Variants in CNGA4 observed in about 807,000 individuals in gnomAD.
The protein encoded by CNGA4 is cyclic nucleotide gated channel subunit alpha 4.
Under a neutral mutation model 45.6 loss-of-function variants are expected in CNGA4, and 32 were observed. The observed-to-expected ratio is 0.70, with a 90% CI of 0.53 to 0.94. The LOEUF (loss-of-function observed/expected upper bound fraction) is 0.94, where lower values mean the gene tolerates loss of function less well. Among genes scored for constraint, CNGA4 ranks in the 40% least tolerant of loss-of-function variants. The probability of loss-of-function intolerance (pLI) is 0.00; values close to 1 mark genes in which losing one functional copy is unlikely to be tolerated. For missense variants in CNGA4, 726 were observed against 755.1 expected (o/e 0.96, Z 0.45); for synonymous variants, 293 against 304.6 (o/e 0.96, Z 0.40).
In CNGA4 at chr11:6,244,000, C is replaced by T; in HGVS notation, c.1319C>T (p.Ser440Leu). 5 of 1,614,118 alleles carry T rather than the reference C, an allele frequency of 3.1e-6. No individual in the cohort carries two copies. The highest frequency in any genetic ancestry group is 4.5e-5 in the East Asian group (2 of 44,880). Residue 440 changes from serine (S) to leucine (L), a missense_variant, in exon 6 of 6, where the codon TCA becomes TTA. Ser to Leu is a moderately radical substitution (Grantham distance 145). Transcript: ENST00000379936. ...GCCAACATCAAGAGCCTAGGTTATT[C>T]AGACCTATTCTGCCTGAGCAAGGAG... ...RTANIKSLGY[S>L]DLFCLSKEDL...
Position 6,241,519 on chromosome 11 carries a change from G to A in CNGA4, c.1006G>A (p.Val336Met), listed in dbSNP as rs534026908. The change falls in exon 5 of 6, where the codon GTG (valine) becomes ATG (methionine). Residue 336 changes from valine (V) to methionine (M), a missense_variant. By Grantham distance (21) the Val-to-Met change is conservative. Transcript: ENST00000379936. ...LPERLRAEVA[V>M]SVHLSTLSRV... ...TGAGCGGCTGCGGGCAGAAGTGGCT[G>A]TGTCTGTGCACCTGTCCACTCTGAG... The A allele has an allele frequency of 5.6e-6, 9 of 1,614,054 alleles. No individual in the cohort carries two copies. The highest frequency in any genetic ancestry group is 2.2e-5 in the East Asian group (1 of 44,882).
Position 6,244,274 on chromosome 11 carries a change from G to A in CNGA4, c.1593G>A (p.Arg531=), listed in dbSNP as rs61742380. 5,662 of 1,614,130 alleles carry A rather than the reference G, an allele frequency of 3.5e-3. 186 individuals carry two copies. The African/African-American group carries it at 0.067, about 19-fold the overall frequency. Residue 531 remains arginine, a synonymous_variant, in exon 6 of 6, where the codon CGG becomes CGA. Coordinates refer to ENST00000379936, the MANE Select transcript of CNGA4 (RefSeq NM_001037329.4). This position sits in a 1 kb window ranked among gnomAD's most constrained non-coding sequence, Gnocchi z 4.5. The part of the protein sequence containing the change: ...SALKIAYRIE[R]LEWQTREWPM... Reference sequence around the variant, plus strand: ...TTAAGATTGCTTACCGCATTGAACGGCTGGAGTGGCAGACTCGAGAGTGGC... The same window carrying A: ...TTAAGATTGCTTACCGCATTGAACGACTGGAGTGGCAGACTCGAGAGTGGC...
chr11:6,238,132 T>C (rs1368878236), upstream of CNGA4, among the ~76,000 whole-genome samples: 1 of 152,244 alleles, frequency 6.6e-6, no homozygotes, highest in East Asian at 1.9e-4. Flanking sequence ...ACTTCATGTG[T>C]ACTATAATAG....
chr11:6,243,626 C>T (rs1847948049), intron 5 of CNGA4, among the ~76,000 whole-genome samples: 1 of 152,166 alleles, frequency 6.6e-6, no homozygotes, highest in Middle Eastern at 3.2e-3. Context: ...CCCTAAATTC[C>T]CTGCCTTACG....
chr11:6,242,459 G>A (rs979470091), intron 5 of CNGA4, among the ~76,000 whole-genome samples: 5 of 152,048 alleles, frequency 3.3e-5, no homozygotes, highest in African/African-American at 7.3e-5. Flanking sequence ...GCATGAGGTC[G>A]TGCAAGCAGG....
In CNGA4 at chr11:6,239,928, C is replaced by G. The variant is rs181952007; in HGVS notation, c.271+138C>G. 3.0e-3 allele frequency: 4,014 copies of G among 1,359,304 alleles called. 13 individuals are homozygous for G. Among genetic ancestry groups the G allele is most frequent in the Non-Finnish European group, 3.4e-3 (3,405 of 988,636 alleles). The allele number at this position is 1,359,304 out of a possible 1,614,324, so 84.2% of individuals were successfully genotyped here. A position where few individuals can be genotyped will look rare whatever the true frequency, so the allele number is the denominator to read the frequency against. On this transcript the variant is annotated intron_variant, in intron 3 of 5. Transcript: ENST00000379936. The stretch of plus-strand genomic sequence containing the variant: ...ATGCCTGACAGCATCCCAGTGCTCA[C>G]CCCGGAAAGCCGGGAGCAGAGTTAT...
upstream of CNGA4, chr11:6,234,848 C>T (rs186154323): frequency 6.5e-6 from 1 of 152,912 alleles, no homozygotes; most frequent in African/African-American, 2.4e-5. Context: ...CCTCTTGGTT[C>T]CGTCCCTTCG....
upstream of CNGA4, among the ~76,000 whole-genome samples, chr11:6,236,615 AT>A (rs1257618377): frequency 6.6e-6 from 1 of 152,222 alleles, no homozygotes; most frequent in African/African-American, 2.4e-5. Flanking sequence ...TTGGAAAAAC[AT>A]TGACTGAAAG....
rs573543816 is a variant in CNGA4, at chr11:6,242,376, T to C, written c.1267+596T>C. 3.9e-5 allele frequency among the ~76,000 whole-genome samples: 6 copies of C among 152,274 alleles called. No homozygotes were observed. The East Asian group carries it at 7.7e-4, about 20-fold the overall frequency. On this transcript the variant is annotated intron_variant, in intron 5 of 5. Transcript: ENST00000379936. ...ATCACCTCTAGGCCAAGCCAGGTACTACCTACTGGCTTGCTTTTTCCTCTC... is the reference window on the plus strand; with the variant it reads ...ATCACCTCTAGGCCAAGCCAGGTACCACCTACTGGCTTGCTTTTTCCTCTC...
chr11:6,237,497 G>A (rs567264436), upstream of CNGA4, among the ~76,000 whole-genome samples: 6 of 151,592 alleles, frequency 4.0e-5, no homozygotes, highest in East Asian at 1.9e-4. Flanking sequence ...GGTGACTGAC[G>A]TCAATCAGAC....
chr11:6,241,353 T>C, intron 4 of CNGA4, 78 bp from the exon 5 acceptor site: 1 of 1,172,920 alleles, frequency 8.5e-7, no homozygotes, highest in Non-Finnish European at 1.2e-6. Flanking sequence ...TGGCTGGAGC[T>C]GAGCTGAGCC....
chr11:6,239,485 G>C lies in CNGA4; in HGVS notation c.164G>C (p.Arg55Thr). 6.2e-7 allele frequency: 1 copy of C among 1,614,128 alleles called. No homozygotes were observed. The highest frequency in any genetic ancestry group is 8.5e-7 in the Non-Finnish European group (1 of 1,179,966). ...VMYNLIILVC[R>T]ACFPDLQHGY... Reference sequence around the variant, plus strand: ...TATAACCTCATCATCCTCGTGTGCAGGTATGGCAGCGGTGCTAAGGGAGGG... The same window carrying C: ...TATAACCTCATCATCCTCGTGTGCACGTATGGCAGCGGTGCTAAGGGAGGG... Residue 55 changes from arginine (R) to threonine (T), a missense_variant and splice_region_variant, in exon 2 of 6, where the codon AGA (arginine) becomes ACA (threonine). Arg to Thr is a moderately conservative substitution (Grantham distance 71). Transcript: ENST00000379936.
chr11:6,241,982 G>A (rs1847926281), intron 5 of CNGA4: 1 of 596,966 alleles, frequency 1.7e-6, no homozygotes, highest in African/African-American at 1.9e-5. Flanking sequence ...GCCAAGGCCA[G>A]TGAACAGGGT....
intron 2 of CNGA4, 95 bp downstream of exon 2, chr11:6,239,580 C>T (rs2133873883): frequency 6.5e-7 from 1 of 1,548,790 alleles, no homozygotes; most frequent in Non-Finnish European, 8.9e-7. Flanking sequence ...GCAGGAGGAG[C>T]AATTCCCATG....
At chr11:6,238,624 G>A (rs985108968), upstream of CNGA4, among the ~76,000 whole-genome samples, 1 of 152,174 alleles carries the variant, frequency 6.6e-6, no homozygotes, top group Non-Finnish European at 1.5e-5. Context: ...GGGGGAAGGC[G>A]TATGTGGAGG....
Position 6,240,193 on chromosome 11 carries a change from C to T in CNGA4, c.399C>T (p.Gly133=). ...CAGATGTGGTCTACGTGCGGCTGGG[C>T]CCGCACACACCCACCCTGAGGCTGA... ...MPTDVVYVRL[G]PHTPTLRLNR... is the part of the protein sequence containing the mutation. Residue 133 remains glycine, a synonymous_variant, in exon 4 of 6, where the codon GGC becomes GGT. Coordinates refer to ENST00000379936, the MANE Select transcript of CNGA4 (RefSeq NM_001037329.4). The surrounding 1 kb of genome is among the most constrained non-coding windows in gnomAD (Gnocchi z 4.9). 2 of 1,614,196 alleles carry T rather than the reference C, an allele frequency of 1.2e-6. No individual in the cohort carries two copies. The highest frequency in any genetic ancestry group is 1.6e-4 in the Middle Eastern group (1 of 6,062).
chr11:6,240,577 CATGGGTAGCATGA>C lies in CNGA4; in HGVS notation c.784_796del (p.Met262AlafsTer7). On this transcript the variant is annotated frameshift_variant, in exon 4 of 6. Transcript: ENST00000379936. LOFTEE classifies it high-confidence loss of function. The surrounding 1 kb of genome is among the most constrained non-coding windows in gnomAD (Gnocchi z 4.9). Reference sequence around the variant, plus strand: ...TGGCCGTCATGGGTTTCGCCACCATCATGGGTAGCATGAGCTCTGTCATCTACAACATGAACAC... The same window carrying C: ...TGGCCGTCATGGGTTTCGCCACCATCGCTCTGTCATCTACAACATGAACAC... 6.2e-7 allele frequency: 1 copy of C among 1,614,242 alleles called. No individual in the cohort carries two copies. The highest frequency in any genetic ancestry group is 2.2e-5 in the East Asian group (1 of 44,876).
Position 6,240,412 on chromosome 11 carries a change from C to T in CNGA4, c.618C>T (p.Pro206=), listed in dbSNP as rs765078156. The part of the protein sequence containing the change: ...FGRDAWVYPD[P]AQPGFERLRR... ...GTGACGCATGGGTGTACCCGGACCC[C>T]GCGCAGCCTGGCTTTGAGCGCCTGC... is the stretch of plus-strand genomic sequence containing the variant. Residue 206 remains proline (P), a synonymous_variant, in exon 4 of 6, where the codon CCC becomes CCT. Coordinates refer to ENST00000379936, the MANE Select transcript of CNGA4 (RefSeq NM_001037329.4). The surrounding 1 kb of genome is among the most constrained non-coding windows in gnomAD (Gnocchi z 4.9). 1.2e-5 allele frequency: 20 copies of T among 1,614,124 alleles called. No homozygotes were observed. Among genetic ancestry groups the T allele is most frequent in the Middle Eastern group, 3.3e-4 (2 of 6,084 alleles).
Position 6,240,270 on chromosome 11 carries a change from C to G in CNGA4, c.476C>G (p.Thr159Ser), listed in dbSNP as rs1382257725. The G allele has an allele frequency of 1.9e-6, 3 of 1,614,238 alleles. No homozygotes were observed. In the South Asian group the frequency reaches 3.3e-5, roughly 18 times the overall value. ...TTCGAGGCCTTCGACCGCACAGAGA[C>G]CCGCACAGCTTACCCAAATGCCTTT... The part of the protein sequence containing the change: ...RLFEAFDRTE[T>S]RTAYPNAFRI... Residue 159 changes from threonine (T) to serine (S), a missense_variant, in exon 4 of 6, where the codon ACC becomes AGC. By Grantham distance (58) the Thr-to-Ser change is moderately conservative. Transcript: ENST00000379936. The surrounding 1 kb of genome is among the most constrained non-coding windows in gnomAD (Gnocchi z 4.9).
Sources: allele counts gnomAD v4.1 joint callset (sites outside exome capture counted in the v4.1 genomes callset), GRCh38; gene constraint gnomAD v4.1.1; non-coding constraint Gnocchi (gnomAD v3.1); transcripts MANE v1.5; gene names NCBI Gene and HGNC (gene_info 2026-07-23, HGNC 2026-07-21).